Variants in NOTCH2NLC observed in about 807,000 individuals in gnomAD.
The protein encoded by NOTCH2NLC is notch homolog 2 N-terminal-like protein C.
NOTCH2NLC carries 4 observed loss-of-function variants against 17.7 expected under a neutral mutation model. That is an observed-to-expected ratio of 0.23 (90% confidence interval 0.11 to 0.52). NOTCH2NLC has a LOEUF of 0.52. Among genes scored for constraint, NOTCH2NLC ranks in the 20% least tolerant of loss-of-function variants. The pLI, the probability that NOTCH2NLC is intolerant of heterozygous loss-of-function variation, is 0.96. For synonymous variants in NOTCH2NLC, 18 were observed against 86.0 expected, an observed-to-expected ratio of 0.21 and a Z score of 4.38; for missense variants, 57 against 207.2, an observed-to-expected ratio of 0.28 and a Z score of 4.45.
intron 2 of NOTCH2NLC, among the ~76,000 whole-genome samples, chr1:149,446,161 TC>T (rs2084551916): frequency 1.1e-5 from 1 of 93,602 alleles, no homozygotes; most frequent in East Asian, 2.8e-4. Context: ...AATTTTTCTG[TC>T]CTGTATTACT....
rs1436418495 is a variant in NOTCH2NLC at position 149,463,008 on chromosome 1, G to A, written c.470-483G>A. On this transcript the variant is annotated intron_variant, in intron 3 of 4. Transcript: ENST00000650865. ...GCGCCACCATGCCCAGCTAATTTTT[G>A]TATTTTTAGTAGAGACAGGGTTTCA... Among the ~76,000 whole-genome samples the A allele has an allele frequency of 1.8e-3, 264 of 147,056 alleles. 1 individual carries two copies. The highest frequency in any genetic ancestry group is 6.5e-3 in the African/African-American group (262 of 40,206).
intron 1 of NOTCH2NLC, among the ~76,000 whole-genome samples, chr1:149,429,578 C>CT (rs2084432402): frequency 6.6e-6 from 1 of 150,826 alleles, no homozygotes; most frequent in East Asian, 2.0e-4. Context: ...ATGTGTTAGC[C>CT]TATTATTATT....
chr1:149,398,576 C>T (rs1451637300), intron 1 of NOTCH2NLC, among the ~76,000 whole-genome samples: 1 of 150,876 alleles, frequency 6.6e-6, no homozygotes, highest in Admixed American at 6.6e-5. Flanking sequence ...TGGCAAAACC[C>T]TGTTCTACTA....
At chr1:149,400,132 A>ATATATAT (rs1464101913) in intron 1 of NOTCH2NLC, among the ~76,000 whole-genome samples, 38 of 124,928 alleles carry the variant, frequency 3.0e-4, no homozygotes, top group African/African-American at 6.2e-4. Flanking sequence ...ATATATATAT[A>ATATATAT]ATATATATTT....
chr1:149,463,072 G>T (rs1377789368), intron 3 of NOTCH2NLC, among the ~76,000 whole-genome samples: 2 of 149,956 alleles, frequency 1.3e-5, no homozygotes, highest in African/African-American at 2.4e-5. Context: ...CTTACCTCAT[G>T]ATCTGCCTGC....
rs1252686679 is a variant in NOTCH2NLC at position 149,412,615 on chromosome 1, G to T, written c.136-18327G>T. Among the ~76,000 whole-genome samples the T allele has an allele frequency of 6.4e-3, 911 of 142,756 alleles. 11 individuals are homozygous for T. In the East Asian group the frequency reaches 0.069, roughly 11 times the overall value. The allele number at this position is 142,756 out of a possible 152,430, so 93.7% of individuals were successfully genotyped here. ...TCACGAGATCAGGAGTTCAAGACCAGCCTGGCCAATGTGGCAAAACCCCGT... is the reference window on the plus strand; with the variant it reads ...TCACGAGATCAGGAGTTCAAGACCATCCTGGCCAATGTGGCAAAACCCCGT... On this transcript the variant is annotated intron_variant, in intron 1 of 4. Transcript: ENST00000650865.
intron 2 of NOTCH2NLC, among the ~76,000 whole-genome samples, chr1:149,453,416 A>G (rs1396600004): frequency 2.0e-5 from 3 of 148,978 alleles, no homozygotes; most frequent in South Asian, 2.1e-4. Flanking sequence ...TGGCCGGGCT[A>G]TTCTCAAACT....
chr1:149,449,161 G>A (rs1310984227), intron 2 of NOTCH2NLC, among the ~76,000 whole-genome samples: 3 of 150,852 alleles, frequency 2.0e-5, no homozygotes, highest in Non-Finnish European at 3.0e-5. Flanking sequence ...GATTACTGGT[G>A]TGAGCCACCG....
At chr1:149,400,137 A>T (rs1227540382) in intron 1 of NOTCH2NLC, among the ~76,000 whole-genome samples, 3 of 141,402 alleles carry the variant, frequency 2.1e-5, no homozygotes, top group African/African-American at 2.6e-5. Context: ...TATATAATAT[A>T]TATTTTTTTT....
At chr1:149,449,039 G>C (rs1204005823) in intron 2 of NOTCH2NLC, among the ~76,000 whole-genome samples, 1 of 147,512 alleles carries the variant, frequency 6.8e-6, no homozygotes, top group Non-Finnish European at 1.5e-5. Context: ...CCGCCACCAC[G>C]CCTGGCTAAT....
intron 2 of NOTCH2NLC, among the ~76,000 whole-genome samples, chr1:149,442,090 A>G (rs1434277234): frequency 6.6e-6 from 1 of 150,452 alleles, no homozygotes; most frequent in African/African-American, 2.4e-5. Context: ...GTCAGATTCC[A>G]TCGAGGCTGA....
chr1:149,390,991 C>G (rs1300380600), intron 1 of NOTCH2NLC, 69 bp downstream of exon 1: 10 of 1,186,100 alleles, frequency 8.4e-6, no homozygotes, highest in Admixed American at 4.6e-5. Context: ...CCTTCTCCCC[C>G]TCGGTCCTTC....
chr1:149,440,027 A>G, intron 2 of NOTCH2NLC, among the ~76,000 whole-genome samples: 1 of 149,050 alleles, frequency 6.7e-6, no homozygotes, highest in Non-Finnish European at 1.5e-5. Flanking sequence ...ATTCAACTAG[A>G]GCATTCTATC....
At chr1:149,392,584 A>G (rs1374054446) in intron 1 of NOTCH2NLC, among the ~76,000 whole-genome samples, 1 of 151,150 alleles carries the variant, frequency 6.6e-6, no homozygotes, top group African/African-American at 2.4e-5. Flanking sequence ...CTTTAAGTGT[A>G]GCTTTAGGAT....
At position 149,425,081 on chromosome 1, in the gene NOTCH2NLC, C is replaced by G. The variant is rs2084405431; in HGVS notation, c.136-5861C>G. Among the ~76,000 whole-genome samples, 3 of 150,994 alleles carry G rather than the reference C, an allele frequency of 2.0e-5. 1 individual carries two copies. Among genetic ancestry groups the G allele is most frequent in the African/African-American group, 7.3e-5 (3 of 41,132 alleles). ...GATACAGAGATAGTCAATGGTGGAG[C>G]TAGTATTCAAACCCAGATTTGTCTG... On this transcript the variant is annotated intron_variant, in intron 1 of 4. Transcript: ENST00000650865.
In NOTCH2NLC at chr1:149,413,566, T is replaced by C. The variant is rs1410897921; in HGVS notation, c.136-17376T>C. Among the ~76,000 whole-genome samples, 3 of 151,136 alleles carry C rather than the reference T, an allele frequency of 2.0e-5. No individual in the cohort carries two copies. In the East Asian group the frequency reaches 5.9e-4, roughly 30 times the overall value. Reference sequence around the variant, plus strand: ...ACCAATTATTTTGATACAGCGGCCATGCCTGGGATATGAACTCAGCTGTTT... The same window carrying C: ...ACCAATTATTTTGATACAGCGGCCACGCCTGGGATATGAACTCAGCTGTTT... On this transcript the variant is annotated intron_variant, in intron 1 of 4. Transcript: ENST00000650865.
chr1:149,426,545 G>T, intron 1 of NOTCH2NLC, among the ~76,000 whole-genome samples: 1 of 130,168 alleles, frequency 7.7e-6, no homozygotes, highest in African/African-American at 2.7e-5. Context: ...ATGATGGAGT[G>T]ATGAGATTGA....
chr1:149,445,513 G>GT (rs1350540359), intron 2 of NOTCH2NLC, among the ~76,000 whole-genome samples: 2 of 146,580 alleles, frequency 1.4e-5, no homozygotes, highest in African/African-American at 2.5e-5. Flanking sequence ...GGTTTTGTTA[G>GT]TTTTTTCCCC....
At chr1:149,426,600 G>A (rs1438457687) in intron 1 of NOTCH2NLC, among the ~76,000 whole-genome samples, 1 of 52,638 alleles carries the variant, frequency 1.9e-5, no homozygotes, top group Non-Finnish European at 4.0e-5. Context: ...TTTTTTTTTT[G>A]GTGGAGTAGA....
Sources: allele counts gnomAD v4.1 joint callset (sites outside exome capture counted in the v4.1 genomes callset), GRCh38; gene constraint gnomAD v4.1.1; transcripts MANE v1.5; gene names NCBI Gene and HGNC (gene_info 2026-07-23, HGNC 2026-07-21).